FOXK1: variants seen among roughly 807,000 people sequenced by gnomAD.
The protein encoded by FOXK1 is forkhead box protein K1.
FOXK1 carries 19 observed loss-of-function variants against 51.9 expected under a neutral mutation model. The observed-to-expected ratio is 0.37, with a 90% CI of 0.26 to 0.54. The LOEUF (loss-of-function observed/expected upper bound fraction) is 0.54. Among genes scored for constraint, FOXK1 ranks in the 20% least tolerant of loss-of-function variants. FOXK1 has a pLI of 0.87. For missense variants in FOXK1, 870 were observed against 1,032.7 expected (o/e 0.84, Z 2.16); for synonymous variants, 537 against 482.6 (o/e 1.11, Z -1.48).
chr7:4,748,830 C>T lies in FOXK1; in HGVS notation c.747-5629C>T, dbSNP rs1035588979. Among the ~76,000 whole-genome samples, 1 of 152,174 alleles carries T rather than the reference C, an allele frequency of 6.6e-6. No homozygotes were observed. The highest frequency in any genetic ancestry group is 2.4e-5 in the African/African-American group (1 of 41,446). On this transcript the variant is annotated intron_variant, in intron 2 of 8. Coordinates refer to ENST00000328914, the MANE Select transcript of FOXK1 (RefSeq NM_001037165.2). The surrounding 1 kb of genome is among the most constrained non-coding windows in gnomAD (Gnocchi z 4.9). ...AGTAGTAGGGACTACAGGTGTGCAC[C>T]ACCATGCCCGGCTAATTTTTGTATT... is the stretch of plus-strand genomic sequence containing the variant.
chr7:4,761,660 A>G lies in FOXK1; in HGVS notation c.1921+372A>G, dbSNP rs1444630555. ...TGTAGTCAGCTGTGATTGCTCCGCT[A>G]CCTGCCAGCCTGGGTGACTGAGCGA... On this transcript the variant is annotated intron_variant, in intron 8 of 8. Coordinates refer to ENST00000328914, the MANE Select transcript of FOXK1 (RefSeq NM_001037165.2). The surrounding 1 kb of genome is among the most constrained non-coding windows in gnomAD (Gnocchi z 6.2). Among the ~76,000 whole-genome samples the G allele has an allele frequency of 2.6e-5, 4 of 151,936 alleles. No individual in the cohort carries two copies. Among genetic ancestry groups the G allele is most frequent in the Admixed American group, 6.6e-5 (1 of 15,248 alleles).
chr7:4,691,951 T>G (rs1562367695), intron 1 of FOXK1, among the ~76,000 whole-genome samples: 5 of 152,126 alleles, frequency 3.3e-5, no homozygotes, highest in Admixed American at 2.6e-4. Context: ...CCAGATTTGT[T>G]TTAGTCTCAG....
At position 4,753,214 on chromosome 7, in the gene FOXK1, A is replaced by G. The variant is rs567420557; in HGVS notation, c.747-1245A>G. On this transcript the variant is annotated intron_variant, in intron 2 of 8. Transcript: ENST00000328914. The surrounding 1 kb of genome is among the most constrained non-coding windows in gnomAD (Gnocchi z 4.9). Reference sequence around the variant, plus strand: ...GTCAGCTGTCAGGTTTTTCTCAGCCACAGGATTTTTTTCATTCATTCCTCT... The same window carrying G: ...GTCAGCTGTCAGGTTTTTCTCAGCCGCAGGATTTTTTTCATTCATTCCTCT... Among the ~76,000 whole-genome samples, 1 of 152,238 alleles carries G rather than the reference A, an allele frequency of 6.6e-6. No individual in the cohort carries two copies. Among genetic ancestry groups the G allele is most frequent in the South Asian group, 2.1e-4 (1 of 4,824 alleles).
Position 4,735,568 on chromosome 7 carries a change from C to T in FOXK1, c.561-5270C>T, listed in dbSNP as rs774457123. 2.6e-5 allele frequency among the ~76,000 whole-genome samples: 4 copies of T among 152,118 alleles called. No individual in the cohort carries two copies. The highest frequency in any genetic ancestry group is 7.2e-5 in the African/African-American group (3 of 41,436). ...GCAACCACTAAGCTCCTTTCTAAGT[C>T]GGGCAAGAATGTTCTGGAGAGATGT... On this transcript the variant is annotated intron_variant, in intron 1 of 8. Transcript: ENST00000328914. This position sits in a 1 kb window ranked among gnomAD's most constrained non-coding sequence, Gnocchi z 4.7.
At chr7:4,744,376 C>G (rs999340963) in intron 2 of FOXK1, among the ~76,000 whole-genome samples, 3 of 152,146 alleles carry the variant, frequency 2.0e-5, no homozygotes, top group Non-Finnish European at 4.4e-5. Flanking sequence ...CCGCGTACCC[C>G]GTAGGTCATC....
At chr7:4,704,312 G>A (rs561002033) in intron 1 of FOXK1, among the ~76,000 whole-genome samples, 2 of 151,912 alleles carry the variant, frequency 1.3e-5, no homozygotes, top group African/African-American at 2.4e-5. Context: ...TTAGTCGGGC[G>A]TAGTGGGGCA....
rs899936259 is a variant in FOXK1 at position 4,682,725 on chromosome 7, C to T, written c.417C>T (p.Gly139=). 2 of 1,604,732 alleles carry T rather than the reference C, an allele frequency of 1.2e-6. No individual in the cohort carries two copies. Among genetic ancestry groups the T allele is most frequent in the Non-Finnish European group, 1.7e-6 (2 of 1,178,636 alleles). ...SSQGSVDLSM[G]LSSFISRRHL... is the part of the protein sequence containing the mutation. ...AGGGCTCGGTGGACTTGAGCATGGG[C>T]CTGTCCAGCTTCATCTCGCGGCGCC... The change falls in exon 1 of 9, where the codon GGC becomes GGT. Residue 139 remains glycine (G), a synonymous_variant. Coordinates refer to ENST00000328914, the MANE Select transcript of FOXK1 (RefSeq NM_001037165.2). The surrounding 1 kb of genome is among the most constrained non-coding windows in gnomAD (Gnocchi z 7.6).
In FOXK1 at chr7:4,731,660, T is replaced by C. The variant is rs947140116; in HGVS notation, c.561-9178T>C. On this transcript the variant is annotated intron_variant, in intron 1 of 8. Coordinates refer to ENST00000328914, the MANE Select transcript of FOXK1 (RefSeq NM_001037165.2). The surrounding 1 kb of genome is among the most constrained non-coding windows in gnomAD (Gnocchi z 5.3). ...CTGTAATCCCAGCTACTCGGGAGGCTGAGGCAGGAGAATCGCTTGGACCTG... is the reference window on the plus strand; with the variant it reads ...CTGTAATCCCAGCTACTCGGGAGGCCGAGGCAGGAGAATCGCTTGGACCTG... 6.7e-6 allele frequency among the ~76,000 whole-genome samples: 1 copy of C among 149,814 alleles called. No homozygotes were observed. The highest frequency in any genetic ancestry group is 3.5e-3 in the Middle Eastern group (1 of 284).
Position 4,682,443 on chromosome 7 carries a change from G to A in FOXK1, c.135G>A (p.Gln45=). The A allele has an allele frequency of 3.2e-5, 31 of 982,458 alleles. No individual in the cohort carries two copies. Among genetic ancestry groups the A allele is most frequent in the Non-Finnish European group, 3.6e-5 (30 of 829,846 alleles). The allele number at this position is 982,458 out of a possible 1,614,324, so 60.9% of individuals were successfully genotyped here. A position where few individuals can be genotyped will look rare whatever the true frequency, so the allele number is the denominator to read the frequency against. Residue 45 remains glutamine (Q), a synonymous_variant, in exon 1 of 9, where the codon CAG becomes CAA. Coordinates refer to ENST00000328914, the MANE Select transcript of FOXK1 (RefSeq NM_001037165.2). The surrounding 1 kb of genome is among the most constrained non-coding windows in gnomAD (Gnocchi z 7.6). The part of the protein sequence containing the change: ...PAAAPPPAPA[Q]PQPPPGPPPP... ...CCGCACCCCCGCCGGCCCCCGCGCAGCCCCAGCCTCCGCCCGGGCCGCCGC... is the reference window on the plus strand; with the variant it reads ...CCGCACCCCCGCCGGCCCCCGCGCAACCCCAGCCTCCGCCCGGGCCGCCGC...
Position 4,682,716 on chromosome 7 carries a change from G to T in FOXK1, c.408G>T (p.Leu136Phe). 6.2e-7 allele frequency: 1 copy of T among 1,603,928 alleles called. No individual in the cohort carries two copies. The change falls in exon 1 of 9, where the codon TTG becomes TTT. Residue 136 changes from leucine to phenylalanine, a missense_variant. By Grantham distance (22) the Leu-to-Phe change is conservative. Coordinates refer to ENST00000328914, the MANE Select transcript of FOXK1 (RefSeq NM_001037165.2). The surrounding 1 kb of genome is among the most constrained non-coding windows in gnomAD (Gnocchi z 7.6). ...ACTCGTCGCAGGGCTCGGTGGACTT[G>T]AGCATGGGCCTGTCCAGCTTCATCT... is the stretch of plus-strand genomic sequence containing the variant. Reference protein sequence around the residue: ...GRNSSQGSVDLSMGLSSFISR... With the variant: ...GRNSSQGSVDFSMGLSSFISR...
rs1780221193 is a variant in FOXK1, at chr7:4,715,376, G to A, written c.561-25462G>A. 6.6e-6 allele frequency among the ~76,000 whole-genome samples: 1 copy of A among 152,110 alleles called. No individual in the cohort carries two copies. The highest frequency in any genetic ancestry group is 1.5e-5 in the Non-Finnish European group (1 of 68,022). On this transcript the variant is annotated intron_variant, in intron 1 of 8. Transcript: ENST00000328914. The surrounding 1 kb of genome is among the most constrained non-coding windows in gnomAD (Gnocchi z 4.5). Reference sequence around the variant, plus strand: ...TGTTCAGGGCGCTCAGCTGTGGGTGGCCCGTGTACAGGAATGGGATCGCAC... The same window carrying A: ...TGTTCAGGGCGCTCAGCTGTGGGTGACCCGTGTACAGGAATGGGATCGCAC...
Position 4,740,917 on chromosome 7 carries a change from C to T in FOXK1, c.640C>T (p.Pro214Ser). The change falls in exon 2 of 9, where the codon CCG becomes TCG. Residue 214 changes from proline (P) to serine (S), a missense_variant. Pro to Ser is a moderately conservative substitution (Grantham distance 74). Transcript: ENST00000328914. ...TCACAAAGAAGAGGCCCCAGCCTCC[C>T]CGCTGCGGCCACTGTACCCCCAGAT... ...LYHKEEAPAS[P>S]LRPLYPQISP... 6.3e-7 allele frequency: 1 copy of T among 1,587,078 alleles called. No homozygotes were observed. Among genetic ancestry groups the T allele is most frequent in the Non-Finnish European group, 8.6e-7 (1 of 1,168,458 alleles).
At chr7:4,705,388 C>T (rs549431970) in intron 1 of FOXK1, among the ~76,000 whole-genome samples, 50 of 151,940 alleles carry the variant, frequency 3.3e-4, no homozygotes, top group Middle Eastern at 3.4e-3. Context: ...TGGTATGTTG[C>T]CCAGGCTGGT....
intron 2 of FOXK1, among the ~76,000 whole-genome samples, chr7:4,752,166 T>A (rs924732610): frequency 6.6e-6 from 1 of 152,234 alleles, no homozygotes; most frequent in Non-Finnish European, 1.5e-5. Flanking sequence ...TATTTATTTA[T>A]TTTTAGAGAC....
chr7:4,753,701 C>T lies in FOXK1; in HGVS notation c.747-758C>T, dbSNP rs780394854. ...GCAAAACATCGCCGTGGTTTGCTGACGGAAGCCTGCCTTAGTGAGTTAGGG... is the reference window on the plus strand; with the variant it reads ...GCAAAACATCGCCGTGGTTTGCTGATGGAAGCCTGCCTTAGTGAGTTAGGG... On this transcript the variant is annotated intron_variant, in intron 2 of 8. Coordinates refer to ENST00000328914, the MANE Select transcript of FOXK1 (RefSeq NM_001037165.2). The surrounding 1 kb of genome is among the most constrained non-coding windows in gnomAD (Gnocchi z 4.9). Among the ~76,000 whole-genome samples, 1 of 152,190 alleles carries T rather than the reference C, an allele frequency of 6.6e-6. No homozygotes were observed. The highest frequency in any genetic ancestry group is 1.5e-5 in the Non-Finnish European group (1 of 68,034).
In FOXK1 at chr7:4,709,496, G is replaced by A. The variant is rs986301344; in HGVS notation, c.560+26628G>A. Among the ~76,000 whole-genome samples, 2 of 152,122 alleles carry A rather than the reference G, an allele frequency of 1.3e-5. No individual in the cohort carries two copies. Among genetic ancestry groups the A allele is most frequent in the Non-Finnish European group, 2.9e-5 (2 of 68,020 alleles). On this transcript the variant is annotated intron_variant, in intron 1 of 8. Coordinates refer to ENST00000328914, the MANE Select transcript of FOXK1 (RefSeq NM_001037165.2). This position sits in a 1 kb window ranked among gnomAD's most constrained non-coding sequence, Gnocchi z 5.6. ...GGCTGGCCCACCCCTGCTGGCCCGC[G>A]ACCCCTGCTGGCAGATCGAGGCTGG...
intron 1 of FOXK1, among the ~76,000 whole-genome samples, chr7:4,696,457 G>T (rs567629538): frequency 1.3e-5 from 2 of 152,122 alleles, no homozygotes; most frequent in Non-Finnish European, 2.9e-5. Context: ...TCGTCTACCC[G>T]TCACACGGTT....
chr7:4,726,263 C>T lies in FOXK1; in HGVS notation c.561-14575C>T, dbSNP rs370159537. On this transcript the variant is annotated intron_variant, in intron 1 of 8. Coordinates refer to ENST00000328914, the MANE Select transcript of FOXK1 (RefSeq NM_001037165.2). ...TGCTTTTACTTAGGAAGCACGAGAC[C>T]TGTGCTGCAGACCGTCTGTTGGAGC... Among the ~76,000 whole-genome samples, 3 of 152,238 alleles carry T rather than the reference C, an allele frequency of 2.0e-5. No individual in the cohort carries two copies. In the South Asian group the frequency reaches 6.2e-4, roughly 32 times the overall value.
chr7:4,707,177 G>A lies in FOXK1; in HGVS notation c.560+24309G>A, dbSNP rs1780112445. ...CCCTCTTTGTTACCACCCCTGGTGC[G>A]GTGGACACAGACATTGCCCAAACAC... On this transcript the variant is annotated intron_variant, in intron 1 of 8. Transcript: ENST00000328914. The surrounding 1 kb of genome is among the most constrained non-coding windows in gnomAD (Gnocchi z 4.1). Among the ~76,000 whole-genome samples, 1 of 152,154 alleles carries A rather than the reference G, an allele frequency of 6.6e-6. No individual in the cohort carries two copies. Among genetic ancestry groups the A allele is most frequent in the South Asian group, 2.1e-4 (1 of 4,824 alleles).
Sources: gnomAD v4.1 joint callset for allele counts (sites outside exome capture counted in the v4.1 genomes callset) on GRCh38, gnomAD v4.1.1 for gene constraint, Gnocchi (gnomAD v3.1) non-coding constraint, MANE v1.5 for transcripts, NCBI Gene and HGNC (gene_info 2026-07-23, HGNC 2026-07-21) for gene names.